Variants in GRID2 observed in about 807,000 individuals in gnomAD.
GRID2 encodes glutamate ionotropic receptor delta type subunit 2.
GRID2 carries 33 observed loss-of-function variants against 114.8 expected under a neutral mutation model. That is an observed-to-expected ratio of 0.29 (90% confidence interval 0.22 to 0.38). GRID2 has a LOEUF of 0.38. Among genes scored for constraint, GRID2 ranks in the 10% least tolerant of loss-of-function variants. The pLI is 1.00. For missense variants in GRID2, 1,184 were observed against 1,257.7 expected (o/e 0.94, Z 0.89); for synonymous variants, 505 against 449.9 (o/e 1.12, Z -1.55).
chr4:93,067,170 C>G (rs1269845267), intron 2 of GRID2, among the ~76,000 whole-genome samples: 1 of 152,018 alleles, frequency 6.6e-6, no homozygotes, highest in Non-Finnish European at 1.5e-5. Context: ...GACTGCATTA[C>G]AAGTTGAGCT....
intron 1 of GRID2, among the ~76,000 whole-genome samples, chr4:92,440,807 T>C (rs184743714): frequency 5.3e-4 from 81 of 151,944 alleles, no homozygotes; most frequent in Admixed American, 1.8e-3. Context: ...GAGATACAGT[T>C]ATGGGGGTCA....
Position 93,536,577 on chromosome 4 carries a change from T to A in GRID2, c.2193+21166T>A, listed in dbSNP as rs1168515378. On this transcript the variant is annotated intron_variant, in intron 13 of 15. Coordinates refer to ENST00000282020, the MANE Select transcript of GRID2 (RefSeq NM_001510.4). ...ATTGTAAGATGTGAAACTCTAAACC[T>A]CCTGAAAGAAAATATAGTGGAGGAA... 8.6e-5 allele frequency among the ~76,000 whole-genome samples: 13 copies of A among 150,882 alleles called. 1 individual carries two copies. Among genetic ancestry groups the A allele is most frequent in the Admixed American group, 8.6e-4 (13 of 15,106 alleles).
intron 2 of GRID2, among the ~76,000 whole-genome samples, chr4:92,917,950 C>T (rs1748954331): frequency 6.6e-6 from 1 of 152,134 alleles, no homozygotes; most frequent in Admixed American, 6.6e-5. Flanking sequence ...GCAGTATGGC[C>T]ATTTTCACAA....
At chr4:92,700,239 T>C (rs1264797152) in intron 2 of GRID2, among the ~76,000 whole-genome samples, 1 of 152,202 alleles carries the variant, frequency 6.6e-6, no homozygotes, top group African/African-American at 2.4e-5. Context: ...TTATACACTC[T>C]CCTTTGATAA....
chr4:93,464,667 C>G (rs893784006), intron 11 of GRID2, among the ~76,000 whole-genome samples: 1 of 152,122 alleles, frequency 6.6e-6, no homozygotes, highest in African/African-American at 2.4e-5. Flanking sequence ...CACTAGTGAA[C>G]TACATTTTTA....
intron 14 of GRID2, among the ~76,000 whole-genome samples, chr4:93,671,377 A>G (rs911343908): frequency 1.3e-5 from 2 of 152,186 alleles, no homozygotes; most frequent in Non-Finnish European, 2.9e-5. Context: ...GTCTTGGGAC[A>G]TGAGCACTGC....
intron 13 of GRID2, among the ~76,000 whole-genome samples, chr4:93,566,179 A>G (rs1735396914): frequency 6.6e-6 from 1 of 152,218 alleles, no homozygotes; most frequent in South Asian, 2.1e-4. Flanking sequence ...CTATCAGGAT[A>G]CAGGATACTA....
intron 6 of GRID2, among the ~76,000 whole-genome samples, chr4:93,221,866 T>A (rs1390670161): frequency 6.6e-6 from 1 of 152,126 alleles, no homozygotes; most frequent in Non-Finnish European, 1.5e-5. Context: ...AAAATGCCTG[T>A]CATGTAACAG....
chr4:93,215,982 A>T (rs1012490737), intron 5 of GRID2, among the ~76,000 whole-genome samples: 2 of 152,214 alleles, frequency 1.3e-5, no homozygotes, highest in South Asian at 4.1e-4. Flanking sequence ...AGTAAAGACT[A>T]CCTTAAAACT....
intron 11 of GRID2, among the ~76,000 whole-genome samples, chr4:93,471,136 G>A (rs1440452204): frequency 6.6e-6 from 1 of 152,106 alleles, no homozygotes; most frequent in African/African-American, 2.4e-5. Flanking sequence ...TTAAATGGGA[G>A]CATCTGGCAT....
At chr4:92,374,678 G>C (rs2110224974) in intron 1 of GRID2, among the ~76,000 whole-genome samples, 1 of 152,148 alleles carries the variant, frequency 6.6e-6, no homozygotes, top group Admixed American at 6.6e-5. Context: ...GAAAATTTTG[G>C]GTAAAACAGG....
intron 2 of GRID2, among the ~76,000 whole-genome samples, chr4:92,956,247 G>T (rs1752400887): frequency 6.6e-6 from 1 of 151,994 alleles, no homozygotes; most frequent in African/African-American, 2.4e-5. Flanking sequence ...TACCAACCCG[G>T]GTTCACAGTT....
chr4:92,434,249 C>G (rs908541996), intron 1 of GRID2, among the ~76,000 whole-genome samples: 7 of 151,820 alleles, frequency 4.6e-5, no homozygotes, highest in Non-Finnish European at 8.8e-5. Flanking sequence ...CGTGTAGTCT[C>G]TGATGGCCAC....
intron 10 of GRID2, among the ~76,000 whole-genome samples, chr4:93,436,273 G>C (rs2149386084): frequency 6.6e-6 from 1 of 152,134 alleles, no homozygotes; most frequent in African/African-American, 2.4e-5. Context: ...ACTTTTAGTA[G>C]CTCTTAGGCT....
intron 4 of GRID2, among the ~76,000 whole-genome samples, chr4:93,156,030 C>T (rs1178366890): frequency 6.6e-6 from 1 of 151,430 alleles, no homozygotes; most frequent in East Asian, 1.9e-4. Context: ...TACCCAATTA[C>T]CACAATGTGA....
At chr4:92,717,056 C>G (rs767088685) in intron 2 of GRID2, among the ~76,000 whole-genome samples, 1 of 152,090 alleles carries the variant, frequency 6.6e-6, no homozygotes, top group Non-Finnish European at 1.5e-5. Context: ...CATTGGTACC[C>G]AGCACAATGT....
chr4:93,442,629 G>A lies in GRID2; in HGVS notation c.1546-13033G>A, dbSNP rs867655112. 8.6e-5 allele frequency among the ~76,000 whole-genome samples: 13 copies of A among 151,294 alleles called. No homozygotes were observed. The Middle Eastern group carries it at 0.01, about 120-fold the overall frequency. ...ACAGAACGACAGAGACAGAGACAGA[G>A]AGAGAGAGAGAAGAGATCAACACAT... is the stretch of plus-strand genomic sequence containing the variant. On this transcript the variant is annotated intron_variant, in intron 10 of 15. Coordinates refer to ENST00000282020, the MANE Select transcript of GRID2 (RefSeq NM_001510.4).
At chr4:93,738,338 C>T (rs190531246) in intron 14 of GRID2, among the ~76,000 whole-genome samples, 1 of 151,900 alleles carries the variant, frequency 6.6e-6, no homozygotes, top group South Asian at 2.1e-4. Context: ...TGACATGATC[C>T]GATTTAGTTT....
chr4:92,643,753 C>A (rs989409224), intron 2 of GRID2, among the ~76,000 whole-genome samples: 1 of 151,534 alleles, frequency 6.6e-6, no homozygotes, highest in Admixed American at 6.6e-5. Flanking sequence ...GGCCTCTGCA[C>A]CTGGCCAAAT....
Sources: gnomAD v4.1 joint callset for allele counts (sites outside exome capture counted in the v4.1 genomes callset) on GRCh38, gnomAD v4.1.1 for gene constraint, MANE v1.5 for transcripts, NCBI Gene and HGNC (gene_info 2026-07-23, HGNC 2026-07-21) for gene names.